The following SPTLC3 variants were observed in gnomAD, a reference collection of about 807,000 sequenced individuals.
SPTLC3 encodes serine palmitoyltransferase 3.
Under a neutral mutation model 59.3 loss-of-function variants are expected in SPTLC3, and 36 were observed. That is an observed-to-expected ratio of 0.61 (90% CI 0.47 to 0.80). SPTLC3 has a LOEUF of 0.80. Ranked by LOEUF, SPTLC3 falls within the 30% of genes least tolerant of loss-of-function variation. The pLI is 0.00. For missense variants in SPTLC3, 625 were observed against 685.1 expected (o/e 0.91, Z 0.98); for synonymous variants, 257 against 240.8 (o/e 1.07, Z -0.62).
At chr20:13,045,099 T>C (rs1266804842) in intron 1 of SPTLC3, among the ~76,000 whole-genome samples, 3 of 152,088 alleles carry the variant, frequency 2.0e-5, no homozygotes, top group African/African-American at 7.2e-5. Context: ...TCTCCTCTAA[T>C]GTTAGCCTAG....
chr20:13,036,476 T>G (rs1986739867), intron 1 of SPTLC3, among the ~76,000 whole-genome samples: 1 of 152,180 alleles, frequency 6.6e-6, no homozygotes, highest in Non-Finnish European at 1.5e-5. Context: ...ATTTTCTTAA[T>G]AACATATTTT....
intron 8 of SPTLC3, among the ~76,000 whole-genome samples, chr20:13,123,293 T>C (rs577382115): frequency 6.6e-6 from 1 of 151,032 alleles, no homozygotes; most frequent in African/African-American, 2.5e-5. Context: ...GTCATGCCAC[T>C]GCACTCCAGC....
chr20:13,023,452 A>G (rs1219402609), intron 1 of SPTLC3, among the ~76,000 whole-genome samples: 1 of 152,192 alleles, frequency 6.6e-6, no homozygotes, highest in African/African-American at 2.4e-5. Flanking sequence ...CCTATATGTA[A>G]TAGGAGCTGA....
At chr20:13,052,400 C>T (rs1345675998) in intron 2 of SPTLC3, among the ~76,000 whole-genome samples, 2 of 152,256 alleles carry the variant, frequency 1.3e-5, no homozygotes, top group Admixed American at 6.5e-5. Context: ...TTCCCTCAGG[C>T]GCCTACACCA....
chr20:13,011,829 A>T (rs1031281313), intron 1 of SPTLC3, among the ~76,000 whole-genome samples: 11 of 151,924 alleles, frequency 7.2e-5, no homozygotes, highest in African/African-American at 2.2e-4. Context: ...TATTCCCAAC[A>T]TGGCCTCCTA....
intron 10 of SPTLC3, among the ~76,000 whole-genome samples, chr20:13,158,309 A>G (rs2038819859): frequency 6.6e-6 from 1 of 152,216 alleles, no homozygotes. Context: ...ATATATATTA[A>G]CTTAAGAACA....
intron 11 of SPTLC3, 78 bp downstream of exon 11, chr20:13,160,210 G>A: frequency 3.4e-6 from 5 of 1,471,126 alleles, no homozygotes; most frequent in Non-Finnish European, 4.5e-6. Context: ...GAGACAGCTT[G>A]GGGTTCTCTG....
chr20:13,034,779 T>C (rs1986660211), intron 1 of SPTLC3, among the ~76,000 whole-genome samples: 1 of 151,564 alleles, frequency 6.6e-6, no homozygotes, highest in African/African-American at 2.4e-5. Flanking sequence ...AACATACTTT[T>C]TGTTATTCAC....
intron 1 of SPTLC3, among the ~76,000 whole-genome samples, chr20:13,016,955 T>C (rs758345226): frequency 2.0e-5 from 3 of 152,132 alleles, no homozygotes; most frequent in Non-Finnish European, 4.4e-5. Flanking sequence ...CTTTAGTAAC[T>C]CAACCAAGGT....
chr20:13,064,278 T>C (rs1468162232), intron 2 of SPTLC3, among the ~76,000 whole-genome samples: 3 of 136,842 alleles, frequency 2.2e-5, no homozygotes, highest in East Asian at 2.1e-4. Flanking sequence ...TTTCTTTTTT[T>C]TTTTTGTTTT....
chr20:13,078,369 C>T (rs777979217), intron 4 of SPTLC3, among the ~76,000 whole-genome samples: 2 of 151,052 alleles, frequency 1.3e-5, no homozygotes, highest in African/African-American at 4.8e-5. Context: ...AAGAAGTAAA[C>T]TGATTATCTT....
intron 2 of SPTLC3, among the ~76,000 whole-genome samples, chr20:13,060,297 C>A (rs1420133923): frequency 1.3e-5 from 2 of 152,092 alleles, no homozygotes; most frequent in African/African-American, 2.4e-5. Context: ...TGCAAGAGTA[C>A]ATCTGATTAT....
At chr20:13,090,157 G>A (rs779611989) in intron 4 of SPTLC3, among the ~76,000 whole-genome samples, 1 of 152,136 alleles carries the variant, frequency 6.6e-6, no homozygotes, top group Non-Finnish European at 1.5e-5. Context: ...AAGCATAAGG[G>A]GATTATGTTT....
intron 1 of SPTLC3, among the ~76,000 whole-genome samples, chr20:13,026,413 T>C (rs906392385): frequency 6.6e-6 from 1 of 152,198 alleles, no homozygotes; most frequent in African/African-American, 2.4e-5. Context: ...TTTTTAGTAA[T>C]ACCCGTACTG....
intron 1 of SPTLC3, among the ~76,000 whole-genome samples, chr20:13,042,908 A>G (rs1987055127): frequency 6.6e-6 from 1 of 152,176 alleles, no homozygotes; most frequent in Non-Finnish European, 1.5e-5. Flanking sequence ...GTTATGCTTT[A>G]TTTCTACTGT....
At chr20:13,069,490 G>C (rs997679720) in intron 2 of SPTLC3, among the ~76,000 whole-genome samples, 1 of 152,092 alleles carries the variant, frequency 6.6e-6, no homozygotes, top group Non-Finnish European at 1.5e-5. Flanking sequence ...TTCTCATAAG[G>C]ATCACAAAAC....
Position 13,093,585 on chromosome 20 carries a change from T to C in SPTLC3, c.826+8T>C. On this transcript the variant is annotated splice_region_variant and intron_variant, in intron 6 of 11. Coordinates refer to ENST00000399002, the MANE Select transcript of SPTLC3 (RefSeq NM_018327.4). ...GAATCTTCAAACACAACAGTGAGTA[T>C]CAGTGTATTTTCTCAACATGTACTG... is the stretch of plus-strand genomic sequence containing the variant. The C allele has an allele frequency of 6.2e-7, 1 of 1,611,370 alleles. No homozygotes were observed. Among genetic ancestry groups the C allele is most frequent in the Non-Finnish European group, 8.5e-7 (1 of 1,177,718 alleles).
intron 1 of SPTLC3, among the ~76,000 whole-genome samples, chr20:13,040,346 G>A (rs184931742): frequency 6.6e-6 from 1 of 151,992 alleles, no homozygotes; most frequent in African/African-American, 2.4e-5. Flanking sequence ...GTAAAGGGAA[G>A]GGAAGAAACG....
intron 6 of SPTLC3, among the ~76,000 whole-genome samples, chr20:13,104,897 G>GT (rs905312433): frequency 1.3e-4 from 20 of 151,532 alleles, no homozygotes; most frequent in African/African-American, 4.8e-4. Context: ...TTCTGGCATT[G>GT]TTTTTTTCAT....
Sources: gnomAD v4.1 joint callset for allele counts (sites outside exome capture counted in the v4.1 genomes callset) on GRCh38, gnomAD v4.1.1 for gene constraint, MANE v1.5 for transcripts, NCBI Gene and HGNC (gene_info 2026-07-23, HGNC 2026-07-21) for gene names.